LARGE1: variants seen among roughly 807,000 people sequenced by gnomAD.
The protein encoded by LARGE1 is LARGE xylosyl- and glucuronyltransferase 1.
A neutral mutation model predicts 87.6 loss-of-function variants in LARGE1; 43 were observed. The ratio of observed to expected loss-of-function variants is 0.49; its 90% CI spans 0.38 to 0.63. The LOEUF (loss-of-function observed/expected upper bound fraction) is 0.63, where lower values mean the gene tolerates loss of function less well. Ranked by LOEUF, LARGE1 falls within the 30% of genes least tolerant of loss-of-function variation. LARGE1 has a pLI of 0.00. For synonymous variants in LARGE1, 434 were observed against 394.6 expected, an observed-to-expected ratio of 1.10 and a Z score of -1.18; for missense variants, 802 against 1,000.2, an observed-to-expected ratio of 0.80 and a Z score of 2.67.
intron 2 of LARGE1, among the ~76,000 whole-genome samples, chr22:33,665,852 A>C (rs1320345489): frequency 6.6e-6 from 1 of 152,020 alleles, no homozygotes; most frequent in African/African-American, 2.4e-5. Flanking sequence ...AGATCGTGCC[A>C]CTGCACCCCA....
intron 6 of LARGE1, among the ~76,000 whole-genome samples, chr22:33,540,143 A>C (rs1440227614): frequency 6.6e-6 from 1 of 152,212 alleles, no homozygotes; most frequent in Non-Finnish European, 1.5e-5. Context: ...ATATTTGCAG[A>C]GAAGTTAAAA....
downstream of LARGE1, among the ~76,000 whole-genome samples, chr22:33,270,785 CA>C (rs891956274): frequency 9.9e-5 from 15 of 152,122 alleles, no homozygotes; most frequent in Non-Finnish European, 1.6e-4. Flanking sequence ...TTGAAAGGAA[CA>C]GAATTAAAGT....
At chr22:33,631,563 T>C (rs2080111701) in intron 3 of LARGE1, among the ~76,000 whole-genome samples, 1 of 152,138 alleles carries the variant, frequency 6.6e-6, no homozygotes, top group African/African-American at 2.4e-5. Flanking sequence ...CCTCCTTACC[T>C]TGTCCCACTG....
intron 2 of LARGE1, among the ~76,000 whole-genome samples, chr22:33,661,778 G>T (rs539738327): frequency 6.6e-6 from 1 of 152,030 alleles, no homozygotes; most frequent in Non-Finnish European, 1.5e-5. Flanking sequence ...AATGATGACC[G>T]TACATCATGA....
intron 5 of LARGE1, among the ~76,000 whole-genome samples, chr22:33,571,801 T>G (rs1304663902): frequency 6.6e-6 from 1 of 152,036 alleles, no homozygotes; most frequent in African/African-American, 2.4e-5. Flanking sequence ...TCCTAGATAC[T>G]CTACTCTGAA....
At chr22:33,852,267 G>C (rs2063608433) in intron 1 of LARGE1, among the ~76,000 whole-genome samples, 1 of 152,164 alleles carries the variant, frequency 6.6e-6, no homozygotes, top group African/African-American at 2.4e-5. Flanking sequence ...GCTACAAAAA[G>C]AGGCCTCTGA....
intron 8 of LARGE1, 27 bp downstream of exon 8, chr22:33,384,165 G>A (rs764653721): frequency 3.4e-6 from 5 of 1,482,660 alleles, no homozygotes; most frequent in Non-Finnish European, 4.7e-6. Context: ...CTCAGGAATA[G>A]CTGCACCTTC....
intron 1 of LARGE1, among the ~76,000 whole-genome samples, chr22:33,851,754 T>C (rs1306259297): frequency 2.0e-5 from 3 of 152,226 alleles, no homozygotes; most frequent in Non-Finnish European, 2.9e-5. Flanking sequence ...CAGGGAAATG[T>C]AGTTTTGCTC....
chr22:33,366,241 TGCC>T lies in LARGE1; in HGVS notation c.1131+15675_1131+15677del, dbSNP rs563591055. Among the ~76,000 whole-genome samples, 894 of 152,364 alleles carry T rather than the reference TGCC, an allele frequency of 5.9e-3. 13 individuals are homozygous for T. Among genetic ancestry groups the T allele is most frequent in the African/African-American group, 0.02 (830 of 41,582 alleles). ...TCATTTCTTCAATGATCAGGTATGTTGCCTCTTCATATACCAAAATGCTTTCAT... is the reference window on the plus strand; with the variant it reads ...TCATTTCTTCAATGATCAGGTATGTTTCTTCATATACCAAAATGCTTTCAT... On this transcript the variant is annotated intron_variant, in intron 9 of 14. Transcript: ENST00000397394.
intron 7 of LARGE1, among the ~76,000 whole-genome samples, chr22:33,405,029 T>G (rs1177597661): frequency 6.6e-6 from 1 of 152,242 alleles, no homozygotes; most frequent in Non-Finnish European, 1.5e-5. Context: ...AGGAGTTTGC[T>G]GTCCTCTTGT....
At chr22:33,317,654 A>G (rs1936300627) in intron 10 of LARGE1, among the ~76,000 whole-genome samples, 1 of 152,218 alleles carries the variant, frequency 6.6e-6, no homozygotes, top group Admixed American at 6.5e-5. Flanking sequence ...GCAGATACAC[A>G]GATGTGCAAA....
intron 11 of LARGE1, among the ~76,000 whole-genome samples, chr22:33,208,229 C>T (rs1924781333): frequency 6.6e-6 from 1 of 152,024 alleles, no homozygotes; most frequent in African/African-American, 2.4e-5. Context: ...ATTGGAAGGC[C>T]AAGGAAATGA....
intron 7 of LARGE1, among the ~76,000 whole-genome samples, chr22:33,411,588 C>T (rs1601747000): frequency 6.6e-6 from 1 of 152,116 alleles, no homozygotes; most frequent in Non-Finnish European, 1.5e-5. Context: ...TTTAAAATAT[C>T]CATAACATTT....
intron 11 of LARGE1, among the ~76,000 whole-genome samples, chr22:33,259,261 T>C (rs1927488892): frequency 6.6e-6 from 1 of 151,772 alleles, no homozygotes; most frequent in African/African-American, 2.4e-5. Context: ...TTGACAATGT[T>C]AAGGACAAGT....
At chr22:33,261,518 T>C (rs938263500) in intron 11 of LARGE1, among the ~76,000 whole-genome samples, 1 of 151,958 alleles carries the variant, frequency 6.6e-6, no homozygotes, top group Non-Finnish European at 1.5e-5. Flanking sequence ...AAGAATAGCA[T>C]GTGTGAAAAT....
At chr22:33,687,607 C>T (rs916303786) in intron 2 of LARGE1, among the ~76,000 whole-genome samples, 3 of 152,136 alleles carry the variant, frequency 2.0e-5, no homozygotes, top group African/African-American at 4.8e-5. Flanking sequence ...TTGAGAGCCA[C>T]GCCAGAAGTT....
At chr22:33,159,696 T>G (rs1461305577), downstream of LARGE1, among the ~76,000 whole-genome samples, 3 of 151,796 alleles carry the variant, frequency 2.0e-5, no homozygotes, top group African/African-American at 2.4e-5. Flanking sequence ...GCCATTCTCC[T>G]GCCTCAGCCT....
the LARGE1 span, among the ~76,000 whole-genome samples, chr22:33,118,587 T>G: frequency 6.6e-6 from 1 of 152,052 alleles, no homozygotes; most frequent in African/African-American, 2.4e-5. Flanking sequence ...CAGTATCTCA[T>G]TACCACTTCT....
At chr22:33,866,339 AAATTT>A in intron 1 of LARGE1, among the ~76,000 whole-genome samples, 1 of 152,336 alleles carries the variant, frequency 6.6e-6, no homozygotes. Context: ...GTGGCTATTT[AAATTT>A]AATTAAAATT....
Sources: allele counts gnomAD v4.1 joint callset (sites outside exome capture counted in the v4.1 genomes callset), GRCh38; gene constraint gnomAD v4.1.1; transcripts MANE v1.5; gene names NCBI Gene and HGNC (gene_info 2026-07-23, HGNC 2026-07-21).